Variants in TRAPPC10 observed in about 807,000 individuals in gnomAD.
The protein encoded by TRAPPC10 is TRAPP 130 kDa subunit.
In TRAPPC10, 23 loss-of-function variants were observed where a neutral mutation model predicts 125.5. The observed-to-expected ratio is 0.18, with a 90% CI of 0.13 to 0.26. The LOEUF is 0.26. Ranked by LOEUF, TRAPPC10 falls within the 10% of genes least tolerant of loss-of-function variation. The pLI, the probability that TRAPPC10 is intolerant of heterozygous loss-of-function variation, is 1.00. For synonymous variants in TRAPPC10, 509 were observed against 518.0 expected (o/e 0.98, Z 0.24); for missense variants, 1,123 against 1,308.4 (o/e 0.86, Z 2.19).
At chr21:44,041,709 C>G (rs746346433) in intron 3 of TRAPPC10, among the ~76,000 whole-genome samples, 3 of 151,914 alleles carry the variant, frequency 2.0e-5, no homozygotes, top group African/African-American at 4.8e-5. Flanking sequence ...TAATTATTTT[C>G]CCATCATTAT....
rs944988281 is a variant in TRAPPC10 at position 44,077,615 on chromosome 21, G to A, written c.1378-78G>A. The A allele has an allele frequency of 2.7e-6, 3 of 1,126,242 alleles. No homozygotes were observed. In the African/African-American group the frequency reaches 4.7e-5, roughly 18 times the overall value. The allele number at this position is 1,126,242 out of a possible 1,614,324, so 69.8% of individuals were successfully genotyped here. A position where few individuals can be genotyped will look rare whatever the true frequency, so the allele number is the denominator to read the frequency against. Reference sequence around the variant, plus strand: ...AAAAACCCAACAATGTCTTTTGTGTGAGCTTTAGGTGAATAAATGTAGTAT... The same window carrying A: ...AAAAACCCAACAATGTCTTTTGTGTAAGCTTTAGGTGAATAAATGTAGTAT... On this transcript the variant is annotated intron_variant, in intron 10 of 22. Coordinates refer to ENST00000291574, the MANE Select transcript of TRAPPC10 (RefSeq NM_003274.5).
At chr21:44,076,055 A>C (rs2146038339) in intron 9 of TRAPPC10, among the ~76,000 whole-genome samples, 1 of 152,282 alleles carries the variant, frequency 6.6e-6, no homozygotes, top group Non-Finnish European at 1.5e-5. Context: ...GTCAAAAAAA[A>C]AAAAAAATTC....
rs756725569 is a variant in TRAPPC10, at chr21:44,059,240, A to T, written c.790+26A>T. 13 of 1,534,724 alleles carry T rather than the reference A, an allele frequency of 8.5e-6. No individual in the cohort carries two copies. Among genetic ancestry groups the T allele is most frequent in the Non-Finnish European group, 1.2e-5 (13 of 1,127,004 alleles). ...GTGAGTAGTGGCACTTCAGTAACGCATGCTTTTCTTAGTGTGGCTTTCTCC... is the reference window on the plus strand; with the variant it reads ...GTGAGTAGTGGCACTTCAGTAACGCTTGCTTTTCTTAGTGTGGCTTTCTCC... On this transcript the variant is annotated intron_variant, in intron 6 of 22. Coordinates refer to ENST00000291574, the MANE Select transcript of TRAPPC10 (RefSeq NM_003274.5). This position sits in a 1 kb window ranked among gnomAD's most constrained non-coding sequence, Gnocchi z 4.4.
intron 3 of TRAPPC10, among the ~76,000 whole-genome samples, chr21:44,050,328 C>T: frequency 6.6e-6 from 1 of 151,500 alleles, no homozygotes; most frequent in Non-Finnish European, 1.5e-5. Context: ...AGCAGAGCTG[C>T]TCTAATGTCC....
At chr21:44,090,734 T>G (rs1030513443) in intron 18 of TRAPPC10, among the ~76,000 whole-genome samples, 3 of 152,172 alleles carry the variant, frequency 2.0e-5, no homozygotes, top group Non-Finnish European at 4.4e-5. Flanking sequence ...ACCACAACTT[T>G]TTATCCATTG....
intron 1 of TRAPPC10, among the ~76,000 whole-genome samples, chr21:44,016,402 C>A (rs755406067): frequency 6.6e-6 from 1 of 152,136 alleles, no homozygotes; most frequent in Non-Finnish European, 1.5e-5. Context: ...TGTCCTCATA[C>A]CTACAATAGC....
chr21:44,022,450 A>T (rs1431137205), intron 1 of TRAPPC10, among the ~76,000 whole-genome samples: 1 of 96,964 alleles, frequency 1.0e-5, no homozygotes, highest in Non-Finnish European at 1.8e-5. Flanking sequence ...TGCCCAGCTA[A>T]TTTTTTTTTT....
chr21:44,056,199 G>T (rs765647556), intron 5 of TRAPPC10, among the ~76,000 whole-genome samples: 10 of 152,202 alleles, frequency 6.6e-5, no homozygotes, highest in Non-Finnish European at 1.2e-4. Flanking sequence ...TAATATCCAT[G>T]AGTCTGTATC....
intron 7 of TRAPPC10, among the ~76,000 whole-genome samples, chr21:44,071,169 A>G (rs540685022): frequency 4.7e-4 from 71 of 152,356 alleles, no homozygotes; most frequent in Admixed American, 1.0e-3. Context: ...AAGTTCACAA[A>G]TCAGCCAGAA....
rs537319534 is a variant in TRAPPC10, at chr21:44,087,083, G to A, written c.2539+123G>A. 1.2e-5 allele frequency: 13 copies of A among 1,129,368 alleles called. No individual in the cohort carries two copies. The highest frequency in any genetic ancestry group is 2.5e-5 in the East Asian group (1 of 39,910). The allele number at this position is 1,129,368 out of a possible 1,614,324, so 70.0% of individuals were successfully genotyped here. On this transcript the variant is annotated intron_variant, in intron 16 of 22. Coordinates refer to ENST00000291574, the MANE Select transcript of TRAPPC10 (RefSeq NM_003274.5). This position sits in a 1 kb window ranked among gnomAD's most constrained non-coding sequence, Gnocchi z 4.6. ...CGCCCCTCAACAGTGTCTGGAGTCC[G>A]TGTTCCATAGGAGCCCTGCGGCCTG...
At chr21:44,040,089 T>A (rs2034303140) in intron 3 of TRAPPC10, among the ~76,000 whole-genome samples, 1 of 152,232 alleles carries the variant, frequency 6.6e-6, no homozygotes, top group South Asian at 2.1e-4. Flanking sequence ...AAACTTTTCC[T>A]TTTGGACAGT....
chr21:44,012,310 G>C lies in TRAPPC10; in HGVS notation c.-184G>C, dbSNP rs2147072810. On this transcript the variant is annotated 5_prime_UTR_variant, in exon 1 of 23. Coordinates refer to ENST00000291574, the MANE Select transcript of TRAPPC10 (RefSeq NM_003274.5). ...GCGCCCCGGAAATGGTCATGCGGCG[G>C]CGCCGAGGCCGGAAGTGGCTGAGGC... 1 of 164,668 alleles carries C rather than the reference G, an allele frequency of 6.1e-6. No homozygotes were observed. Among genetic ancestry groups the C allele is most frequent in the South Asian group, 2.0e-4 (1 of 5,030 alleles). 10.2% of individuals were successfully genotyped at this position (164,668 alleles called of 1,614,324 possible).
In TRAPPC10 at chr21:44,084,230, C is replaced by CAGG. The variant is rs1226744213; in HGVS notation, c.2350_2352dup (p.Glu784dup). The CAGG allele has an allele frequency of 6.2e-7, 1 of 1,613,880 alleles. No homozygotes were observed. Among genetic ancestry groups the CAGG allele is most frequent in the Non-Finnish European group, 8.5e-7 (1 of 1,179,974 alleles). On this transcript the variant is annotated inframe_insertion, in exon 15 of 23. Coordinates refer to ENST00000291574, the MANE Select transcript of TRAPPC10 (RefSeq NM_003274.5). ...CATTGTGCAGTACGACGTGTACTCA[C>CAGG]AGGAGCCCCAGCTGCACGTGGAGCC...
chr21:44,087,222 C>T lies in TRAPPC10; in HGVS notation c.2539+262C>T, dbSNP rs1056558367. ...AGGAGATGGGGGTCACGGCTGGGGT[C>T]ACGTTCCATGGTGATGCCTGCCAGA... is the stretch of plus-strand genomic sequence containing the variant. On this transcript the variant is annotated intron_variant, in intron 16 of 22. Transcript: ENST00000291574. This position sits in a 1 kb window ranked among gnomAD's most constrained non-coding sequence, Gnocchi z 4.6. Among the ~76,000 whole-genome samples the T allele has an allele frequency of 7.9e-5, 12 of 152,202 alleles. No individual in the cohort carries two copies. The highest frequency in any genetic ancestry group is 1.8e-4 in the Non-Finnish European group (12 of 68,032).
chr21:44,080,250 T>C, intron 13 of TRAPPC10, 123 bp downstream of exon 13: 1 of 824,178 alleles, frequency 1.2e-6, no homozygotes. Flanking sequence ...GTAGCTGACA[T>C]GTATCTATGT....
At chr21:44,025,240 G>C (rs2032934712) in intron 1 of TRAPPC10, among the ~76,000 whole-genome samples, 1 of 152,184 alleles carries the variant, frequency 6.6e-6, no homozygotes, top group Admixed American at 6.5e-5. Flanking sequence ...TGCACCATTG[G>C]GAAACTGCCT....
At chr21:44,039,012 C>T (rs2145734102) in intron 3 of TRAPPC10, among the ~76,000 whole-genome samples, 1 of 152,308 alleles carries the variant, frequency 6.6e-6, no homozygotes, top group South Asian at 2.1e-4. Context: ...CTGTCCCTGG[C>T]CTGCTGTGCC....
At chr21:44,091,459 G>A (rs1289050428) in intron 18 of TRAPPC10, among the ~76,000 whole-genome samples, 1 of 151,620 alleles carries the variant, frequency 6.6e-6, no homozygotes, top group Non-Finnish European at 1.5e-5. Flanking sequence ...TTATTTTTTT[G>A]AGATGGAGTC....
intron 7 of TRAPPC10, among the ~76,000 whole-genome samples, chr21:44,072,629 A>G (rs775363478): frequency 1.3e-4 from 20 of 151,904 alleles, no homozygotes; most frequent in Non-Finnish European, 2.8e-4. Flanking sequence ...ACACCCGGCT[A>G]ATTTTTGTAT....
Sources: allele counts gnomAD v4.1 joint callset (sites outside exome capture counted in the v4.1 genomes callset), GRCh38; gene constraint gnomAD v4.1.1; non-coding constraint Gnocchi (gnomAD v3.1); transcripts MANE v1.5; gene names NCBI Gene and HGNC (gene_info 2026-07-23, HGNC 2026-07-21).